Variants in SLX9 observed in about 807,000 individuals in gnomAD.
The protein encoded by SLX9 is ribosome biogenesis protein SLX9 homolog.
SLX9 carries 19 observed loss-of-function variants against 20.8 expected under a neutral mutation model. That is an observed-to-expected ratio of 0.91 (90% CI 0.64 to 1.34). The LOEUF (loss-of-function observed/expected upper bound fraction) is 1.34. Ranked by LOEUF, SLX9 falls within the 40% of genes most tolerant of loss-of-function variation. The pLI is 0.00. For missense variants in SLX9, 299 were observed against 322.2 expected, an observed-to-expected ratio of 0.93 and a Z score of 0.55; for synonymous variants, 113 against 137.1, an observed-to-expected ratio of 0.82 and a Z score of 1.23.
chr21:44,960,077 A>G, intron 2 of SLX9, 23 bp from the exon 3 acceptor site: 1 of 1,612,904 alleles, frequency 6.2e-7, no homozygotes, highest in South Asian at 1.1e-5. Flanking sequence ...CGTTTTGCTC[A>G]CTCCCGTGTT....
intron 4 of SLX9, among the ~76,000 whole-genome samples, chr21:44,972,396 G>A (rs1033569823): frequency 1.3e-5 from 2 of 152,308 alleles, no homozygotes; most frequent in Admixed American, 6.5e-5. Flanking sequence ...AGCCTGCCTG[G>A]GGTGGACGTC....
At position 44,976,839 on chromosome 21, in the gene SLX9, CAT is replaced by C. The variant is rs1040397820; in HGVS notation, c.*37_*38del. On this transcript the variant is annotated 3_prime_UTR_variant, in exon 6 of 6. Coordinates refer to ENST00000291634, the MANE Select transcript of SLX9 (RefSeq NM_058190.4). ...GGGCATGCCACAACTCCTCAGGACA[CAT>C]GTGGGCCAAGTAGAGAGCGCCGGCC... The C allele has an allele frequency of 5.2e-6, 8 of 1,538,910 alleles. No homozygotes were observed. The African/African-American group carries it at 5.5e-5, about 11-fold the overall frequency.
At position 44,945,008 on chromosome 21, in the gene SLX9, G is replaced by A. The variant is rs1192650165; in HGVS notation, c.283+1171G>A. 3.3e-5 allele frequency among the ~76,000 whole-genome samples: 5 copies of A among 152,262 alleles called. No homozygotes were observed. In the East Asian group the frequency reaches 9.6e-4, roughly 29 times the overall value. On this transcript the variant is annotated intron_variant, in intron 2 of 5. Transcript: ENST00000291634. ...CGCCCGCTCTGCATCTGTTGAACGA[G>A]GCTGGTCTGGTGGGAAGGCTGGGGA...
intron 1 of SLX9, among the ~76,000 whole-genome samples, chr21:44,941,354 G>A (rs1422405664): frequency 1.3e-5 from 2 of 149,624 alleles, no homozygotes; most frequent in African/African-American, 5.1e-5. Context: ...CCAGGGATTA[G>A]TATCTGCTTG....
chr21:44,959,116 C>T (rs2084909831), intron 2 of SLX9: 3 of 706,758 alleles, frequency 4.2e-6, no homozygotes, highest in Admixed American at 6.3e-5. Context: ...TGCGGGAGCC[C>T]TGGGCCTTGG....
intron 2 of SLX9, among the ~76,000 whole-genome samples, chr21:44,949,254 C>T (rs890912426): frequency 2.0e-5 from 3 of 152,178 alleles, no homozygotes; most frequent in Non-Finnish European, 4.4e-5. Flanking sequence ...CCCCCTCGCA[C>T]GGTTTGTGGC....
At chr21:44,943,512 G>T (rs913764624) in intron 1 of SLX9, among the ~76,000 whole-genome samples, 172 bp from the exon 2 acceptor site, 1 of 152,186 alleles carries the variant, frequency 6.6e-6, no homozygotes, top group Non-Finnish European at 1.5e-5. Flanking sequence ...CTCTGGAACC[G>T]GAGGCTTCTG....
intron 4 of SLX9, among the ~76,000 whole-genome samples, chr21:44,967,930 T>G (rs2085068806): frequency 6.6e-6 from 1 of 152,098 alleles, no homozygotes; most frequent in South Asian, 2.1e-4. Flanking sequence ...GGATGTGGTT[T>G]GTTCTTCAGG....
In SLX9 at chr21:44,951,290, C is replaced by T. The variant is rs145042797; in HGVS notation, c.283+7453C>T. Among the ~76,000 whole-genome samples, 1,492 of 152,242 alleles carry T rather than the reference C, an allele frequency of 9.8e-3. 39 individuals carry two copies. Among genetic ancestry groups the T allele is most frequent in the African/African-American group, 0.034 (1,399 of 41,570 alleles). ...CCACAGCCATCCAAGGGACCAACAT[C>T]TTGCAGCATCGCGCAGGGAGGTAGG... On this transcript the variant is annotated intron_variant, in intron 2 of 5. Coordinates refer to ENST00000291634, the MANE Select transcript of SLX9 (RefSeq NM_058190.4).
chr21:44,940,370 C>T (rs1340907326), intron 1 of SLX9, among the ~76,000 whole-genome samples, 184 bp downstream of exon 1: 1 of 152,236 alleles, frequency 6.6e-6, no homozygotes, highest in Non-Finnish European at 1.5e-5. Context: ...CTCCGCTCTG[C>T]GCTGCCGTCC....
chr21:44,946,079 C>T (rs1444918034), intron 2 of SLX9, among the ~76,000 whole-genome samples: 1 of 152,158 alleles, frequency 6.6e-6, no homozygotes, highest in East Asian at 1.9e-4. Context: ...TTTAGAGTAA[C>T]TGGTGGGAGA....
chr21:44,940,309 T>C, intron 1 of SLX9, 123 bp downstream of exon 1: 1 of 1,168,564 alleles, frequency 8.6e-7, no homozygotes, highest in Non-Finnish European at 1.1e-6. Context: ...GGGCATTTGC[T>C]GCGCTACAGA....
chr21:44,953,402 C>T (rs1465172563), intron 2 of SLX9, among the ~76,000 whole-genome samples: 2 of 152,070 alleles, frequency 1.3e-5, no homozygotes, highest in Non-Finnish European at 1.5e-5. Context: ...CAGAGCAGGA[C>T]GCCTCTAGGT....
At chr21:44,959,075 C>T (rs969760190) in intron 2 of SLX9, 1 of 313,346 alleles carries the variant, frequency 3.2e-6, no homozygotes, top group African/African-American at 2.3e-5. Flanking sequence ...AACCCAGGCA[C>T]ACCAGGAAGC....
At chr21:44,973,848 C>T in intron 5 of SLX9, among the ~76,000 whole-genome samples, 1 of 152,194 alleles carries the variant, frequency 6.6e-6, no homozygotes, top group East Asian at 1.9e-4. Flanking sequence ...TCAGTGCAGT[C>T]AGGTCCTGTG....
chr21:44,969,936 C>G (rs58473702), intron 4 of SLX9, among the ~76,000 whole-genome samples: 1,077 of 2,192 alleles, frequency 0.49, 15 homozygotes, highest in African/African-American at 0.5. Flanking sequence ...AGGAAGCTGC[C>G]TGTCAGCTGA....
At chr21:44,954,404 T>C (rs2084816282) in intron 2 of SLX9, among the ~76,000 whole-genome samples, 1 of 152,124 alleles carries the variant, frequency 6.6e-6, no homozygotes. Flanking sequence ...TCGGGAGGAA[T>C]GTCGAACCCC....
intron 2 of SLX9, among the ~76,000 whole-genome samples, chr21:44,949,335 T>C (rs1474967239): frequency 6.6e-6 from 1 of 151,000 alleles, no homozygotes; most frequent in East Asian, 2.0e-4. Context: ...CTGTCAGGAG[T>C]GTCGGGCCTG....
Position 44,970,381 on chromosome 21 carries a change from C to T in SLX9, c.501-2816C>T, listed in dbSNP as rs187429526. On this transcript the variant is annotated intron_variant, in intron 4 of 5. Coordinates refer to ENST00000291634, the MANE Select transcript of SLX9 (RefSeq NM_058190.4). ...AGTTCTTGCAGTTGCCCCCAGCTCC[C>T]TTTGGCCCCATTGACGTGGGGGTCG... Among the ~76,000 whole-genome samples, 423 of 152,336 alleles carry T rather than the reference C, an allele frequency of 2.8e-3. 2 individuals carry two copies. Among genetic ancestry groups the T allele is most frequent in the Middle Eastern group, 6.8e-3 (2 of 294 alleles).
Sources: gnomAD v4.1 joint callset for allele counts (sites outside exome capture counted in the v4.1 genomes callset) on GRCh38, gnomAD v4.1.1 for gene constraint, MANE v1.5 for transcripts, NCBI Gene and HGNC (gene_info 2026-07-23, HGNC 2026-07-21) for gene names.